The following DNAH14 variants were observed in gnomAD, a reference collection of about 807,000 sequenced individuals.
The protein encoded by DNAH14 is axonemal beta dynein heavy chain 14.
Under a neutral mutation model 520.9 loss-of-function variants are expected in DNAH14, and 478 were observed. The ratio of observed to expected loss-of-function variants is 0.92; its 90% confidence interval spans 0.85 to 0.99. The LOEUF (loss-of-function observed/expected upper bound fraction) is 0.99. Among genes scored for constraint, DNAH14 ranks in the 50% least tolerant of loss-of-function variants. The pLI, the probability that DNAH14 is intolerant of heterozygous loss-of-function variation, is 0.00. For missense variants in DNAH14, 4,831 were observed against 5,234.5 expected (o/e 0.92, Z 2.38); for synonymous variants, 1,581 against 1,757.2 (o/e 0.90, Z 2.51).
intron 61 of DNAH14, among the ~76,000 whole-genome samples, chr1:225,322,093 T>TTC (rs1377423411): frequency 8.3e-6 from 1 of 120,984 alleles, no homozygotes; most frequent in Non-Finnish European, 1.7e-5. Context: ...TTCTTTTTTT[T>TTC]TTTTTTTTTT....
intron 8 of DNAH14, among the ~76,000 whole-genome samples, chr1:224,975,589 T>G (rs2061769626): frequency 6.6e-6 from 1 of 151,596 alleles, no homozygotes; most frequent in Non-Finnish European, 1.5e-5. Context: ...TTATCATTTT[T>G]TATTGCGTCT....
chr1:225,328,086 A>G (rs2150254596), intron 64 of DNAH14, among the ~76,000 whole-genome samples: 1 of 152,350 alleles, frequency 6.6e-6, no homozygotes, highest in East Asian at 1.9e-4. Flanking sequence ...AGAGATAGAC[A>G]TTCAGATCAG....
intron 15 of DNAH14, among the ~76,000 whole-genome samples, chr1:225,045,028 T>C (rs2067822916): frequency 1.3e-5 from 2 of 152,206 alleles, no homozygotes; most frequent in South Asian, 4.1e-4. Flanking sequence ...GTGATTTCTG[T>C]CTAGTAATTT....
intron 17 of DNAH14, among the ~76,000 whole-genome samples, chr1:225,057,915 G>A (rs2069371023): frequency 6.6e-6 from 1 of 152,186 alleles, no homozygotes; most frequent in African/African-American, 2.4e-5. Context: ...TTGATATGCT[G>A]CTGGATTCAG....
At chr1:224,931,106 T>C (rs1248124746) in intron 1 of DNAH14, among the ~76,000 whole-genome samples, 1 of 152,210 alleles carries the variant, frequency 6.6e-6, no homozygotes, top group Non-Finnish European at 1.5e-5. Flanking sequence ...GTGATACTGA[T>C]CCTGTCTATG....
At chr1:225,361,162 A>G (rs1264733426) in intron 75 of DNAH14, among the ~76,000 whole-genome samples, 1 of 152,206 alleles carries the variant, frequency 6.6e-6, no homozygotes, top group African/African-American at 2.4e-5. Context: ...TCTTACTCTC[A>G]ATAGATATAT....
intron 21 of DNAH14, among the ~76,000 whole-genome samples, chr1:225,090,231 C>T (rs1185533053): frequency 6.6e-6 from 1 of 152,010 alleles, no homozygotes; most frequent in Admixed American, 6.6e-5. Flanking sequence ...CTTCAAAACC[C>T]TGCAGAGAGA....
At position 225,399,245 on chromosome 1, in the gene DNAH14, G is replaced by A. The variant is rs1453021114; in HGVS notation, c.13830G>A (p.Leu4610=). 1.3e-6 allele frequency: 2 copies of A among 1,551,296 alleles called. No individual in the cohort carries two copies. The highest frequency in any genetic ancestry group is 1.7e-6 in the Non-Finnish European group (2 of 1,146,740). ...PSHWITMRVA[L]LCEKNEK ...ACTGGATCACAATGCGGGTTGCATT[G>A]CTTTGTGAGAAGAATGAAAAATAAA... The change falls in exon 86 of 86, where the codon TTG becomes TTA. Residue 4610 remains leucine (L), a synonymous_variant. Coordinates refer to ENST00000682510, the MANE Select transcript of DNAH14 (RefSeq NM_001367479.1).
At chr1:224,932,288 C>T (rs2058747227) in intron 1 of DNAH14, among the ~76,000 whole-genome samples, 1 of 152,088 alleles carries the variant, frequency 6.6e-6, no homozygotes, top group South Asian at 2.1e-4. Flanking sequence ...CCTTTGCATA[C>T]TTTTTAATGG....
Position 225,099,580 on chromosome 1 carries a change from A to G in DNAH14, c.3696-1133A>G, listed in dbSNP as rs369918757. Among the ~76,000 whole-genome samples, 22 of 152,086 alleles carry G rather than the reference A, an allele frequency of 1.4e-4. 1 individual carries two copies. The highest frequency in any genetic ancestry group is 1.1e-3 in the Admixed American group (17 of 15,238). ...CACCAACCAGAATTATGTAGTCCAA[A>G]ATGTCAACAGTGCAGAAACTGAGAA... On this transcript the variant is annotated intron_variant, in intron 22 of 85. Transcript: ENST00000682510.
chr1:224,990,312 T>G (rs2062951202), intron 8 of DNAH14, among the ~76,000 whole-genome samples: 2 of 152,230 alleles, frequency 1.3e-5, no homozygotes, highest in South Asian at 4.1e-4. Context: ...CTTATATTTT[T>G]GGGTGAAAAC....
At chr1:225,333,624 T>C in intron 66 of DNAH14, 118 bp downstream of exon 66, 1 of 955,428 alleles carries the variant, frequency 1.0e-6, no homozygotes, top group Non-Finnish European at 1.5e-6. Flanking sequence ...AATGAAAATA[T>C]TTTGTTAATA....
chr1:225,261,436 C>T (rs943439764), intron 46 of DNAH14, among the ~76,000 whole-genome samples: 1 of 152,094 alleles, frequency 6.6e-6, no homozygotes, highest in Non-Finnish European at 1.5e-5. Context: ...TGGGATATCA[C>T]ATTTATTGAT....
intron 52 of DNAH14, among the ~76,000 whole-genome samples, chr1:225,274,986 C>A (rs2093430953): frequency 6.6e-6 from 1 of 152,192 alleles, no homozygotes; most frequent in African/African-American, 2.4e-5. Context: ...AATCTTAATT[C>A]ATAACACCCT....
chr1:224,986,254 A>T (rs527558400), intron 8 of DNAH14, among the ~76,000 whole-genome samples: 1 of 151,566 alleles, frequency 6.6e-6, no homozygotes, highest in South Asian at 2.1e-4. Flanking sequence ...GTATTTGGGA[A>T]TATTTCCAGA....
intron 15 of DNAH14, among the ~76,000 whole-genome samples, chr1:225,046,587 C>G (rs915582381): frequency 6.6e-6 from 1 of 152,066 alleles, no homozygotes; most frequent in African/African-American, 2.4e-5. Flanking sequence ...ATTTGAAATG[C>G]CACATTTATC....
intron 56 of DNAH14, among the ~76,000 whole-genome samples, chr1:225,302,945 G>A (rs148488331): frequency 5.3e-5 from 8 of 152,236 alleles, no homozygotes; most frequent in South Asian, 2.1e-4. Context: ...GTTGGTTTAC[G>A]CAAGGGGTGT....
Position 225,023,236 on chromosome 1 carries a change from C to G in DNAH14, c.1108-379C>G, listed in dbSNP as rs537786001. On this transcript the variant is annotated intron_variant, in intron 10 of 85. Transcript: ENST00000682510. ...AAACCTGCATATGTACCCTCAGAAC[C>G]TAAAATAAAAGTAGAAGAAAAAACA... Among the ~76,000 whole-genome samples the G allele has an allele frequency of 2.6e-5, 4 of 151,924 alleles. No individual in the cohort carries two copies. The East Asian group carries it at 7.7e-4, about 29-fold the overall frequency.
At chr1:225,259,846 C>G (rs565218502) in intron 46 of DNAH14, among the ~76,000 whole-genome samples, 4 of 152,288 alleles carry the variant, frequency 2.6e-5, no homozygotes, top group South Asian at 4.1e-4. Context: ...ATTTCACTAG[C>G]ATAATGTCCT....
Sources: gnomAD v4.1 joint callset for allele counts (sites outside exome capture counted in the v4.1 genomes callset) on GRCh38, gnomAD v4.1.1 for gene constraint, MANE v1.5 for transcripts, NCBI Gene and HGNC (gene_info 2026-07-23, HGNC 2026-07-21) for gene names.